MAGEA12: variants seen among roughly 807,000 people sequenced by gnomAD.
MAGEA12 encodes MAGE family member A12, also known as melanoma-associated antigen 12.
For synonymous variants in MAGEA12, 135 were observed against 104.7 expected (o/e 1.29, Z -1.77); for missense variants, 235 against 240.1 (o/e 0.98, Z 0.14).
chrX:152,736,318 G>A lies in MAGEA12; in HGVS notation c.157G>A (p.Val53Met), dbSNP rs1344803974. ...TCTAGTGGAAGTCACCCTGCGGGAG[G>A]TGCCTGCTGCCGAGTCACCAAGTCC... ...STLVEVTLRE[V>M]PAAESPSPPH... is the part of the protein sequence containing the mutation. Residue 53 changes from valine (V) to methionine (M), a missense_variant, in exon 3 of 3, where the codon GTG (valine) becomes ATG (methionine). Physicochemically the swap from Val to Met is conservative, Grantham distance 21. Transcript: ENST00000393869. The A allele has an allele frequency of 9.1e-6, 11 of 1,209,219 alleles. No individual in the cohort carries two copies. Among genetic ancestry groups the A allele is most frequent in the African/African-American group, 1.8e-5 (1 of 56,839 alleles).
Position 152,736,666 on chromosome X carries a change from G to A in MAGEA12, c.505G>A (p.Val169Met), listed in dbSNP as rs1932332157. Residue 169 changes from valine (V) to methionine (M), a missense_variant, in exon 3 of 3, where the codon GTG becomes ATG. Physicochemically the swap from Val to Met is conservative, Grantham distance 21. Transcript: ENST00000393869. Reference protein sequence around the residue: ...QLVFGIEVVEVVRIGHLYILV... With the variant: ...QLVFGIEVVEMVRIGHLYILV... ...GGTCTTTGGCATCGAGGTGGTGGAA[G>A]TGGTCCGCATCGGCCACTTGTACAT... is the stretch of plus-strand genomic sequence containing the variant. 1 of 1,212,142 alleles carries A rather than the reference G, an allele frequency of 8.2e-7. No individual in the cohort carries two copies. Among genetic ancestry groups the A allele is most frequent in the Non-Finnish European group, 1.1e-6 (1 of 895,649 alleles).
At chrX:152,735,338 A>C (rs1407351593) in intron 2 of MAGEA12, 85 bp downstream of exon 2, 1 of 117,650 alleles carries the variant, frequency 8.5e-6, no homozygotes, top group Admixed American at 9.3e-5. Context: ...TGCCCCTGCT[A>C]TTCCCTCAGA....
In MAGEA12 at chrX:152,736,159, A is replaced by G. The variant is rs1556226160; in HGVS notation, c.-3A>G. 1 of 1,210,910 alleles carries G rather than the reference A, an allele frequency of 8.3e-7. No homozygotes were observed. Among genetic ancestry groups the G allele is most frequent in the South Asian group, 1.8e-5 (1 of 56,812 alleles). On this transcript the variant is annotated 5_prime_UTR_variant, in exon 3 of 3. Transcript: ENST00000393869. The stretch of plus-strand genomic sequence containing the variant: ...CCTACCTGCTGCCCTGACCAGAGTC[A>G]TCATGCCACTTGAGCAGAGGAGTCA...
Position 152,736,419 on chromosome X carries a change from C to G in MAGEA12, c.258C>G (p.Gly86=). 8 of 1,211,785 alleles carry G rather than the reference C, an allele frequency of 6.6e-6. No individual in the cohort carries two copies. Among genetic ancestry groups the G allele is most frequent in the Non-Finnish European group, 8.9e-6 (8 of 895,470 alleles). The change falls in exon 3 of 3, where the codon GGC becomes GGG. Residue 86 remains glycine, a synonymous_variant. Coordinates refer to ENST00000393869, the MANE Select transcript of MAGEA12 (RefSeq NM_001166387.4). The part of the protein sequence containing the change: ...NYTLWSQSDE[G]SSNEEQEGPS... Reference sequence around the variant, plus strand: ...CTCTCTGGAGTCAATCCGATGAGGGCTCCAGCAACGAAGAACAGGAAGGGC... The same window carrying G: ...CTCTCTGGAGTCAATCCGATGAGGGGTCCAGCAACGAAGAACAGGAAGGGC...
rs1338640115 is a variant in MAGEA12 at position 152,736,330 on chromosome X, G to A, written c.169G>A (p.Glu57Lys). ...CACCCTGCGGGAGGTGCCTGCTGCC[G>A]AGTCACCAAGTCCTCCCCACAGTCC... is the stretch of plus-strand genomic sequence containing the variant. ...EVTLREVPAA[E>K]SPSPPHSPQG... Residue 57 changes from glutamate to lysine, a missense_variant, in exon 3 of 3, where the codon GAG (glutamate) becomes AAG (lysine). Transcript: ENST00000393869. 5 of 1,211,107 alleles carry A rather than the reference G, an allele frequency of 4.1e-6. No homozygotes were observed. Among genetic ancestry groups the A allele is most frequent in the South Asian group, 1.8e-5 (1 of 56,926 alleles).
chrX:152,735,444 GGTCA>G (rs1324941762), intron 2 of MAGEA12, among the ~76,000 whole-genome samples, 191 bp downstream of exon 2: 2 of 111,970 alleles, frequency 1.8e-5, no homozygotes, highest in East Asian at 5.7e-4. Flanking sequence ...GCTGCACTCA[GGTCA>G]GTAGAGGGAG....
At position 152,737,137 on chromosome X, in the gene MAGEA12, G is replaced by A; in HGVS notation, c.*31G>A. The A allele has an allele frequency of 8.4e-7, 1 of 1,186,493 alleles. No individual in the cohort carries two copies. Among genetic ancestry groups the A allele is most frequent in the African/African-American group, 1.7e-5 (1 of 57,456 alleles). On this transcript the variant is annotated 3_prime_UTR_variant, in exon 3 of 3. Coordinates refer to ENST00000393869, the MANE Select transcript of MAGEA12 (RefSeq NM_001166387.4). Reference sequence around the variant, plus strand: ...AGCACGAGTTGCAGCCAGGGCCAGTGGGAGGGGGTCTGGGCCAGTGCACCT... The same window carrying A: ...AGCACGAGTTGCAGCCAGGGCCAGTAGGAGGGGGTCTGGGCCAGTGCACCT...
chrX:152,734,785 G>C (rs1174978315), intron 1 of MAGEA12, among the ~76,000 whole-genome samples: 4 of 112,434 alleles, frequency 3.6e-5, no homozygotes, highest in Non-Finnish European at 7.5e-5. Context: ...CGGACCCAAG[G>C]TGTGCCCCCT....
At position 152,736,772 on chromosome X, in the gene MAGEA12, T is replaced by C. The variant is rs1556225744; in HGVS notation, c.611T>C (p.Ile204Thr). 1 of 1,211,597 alleles carries C rather than the reference T, an allele frequency of 8.3e-7. No homozygotes were observed. The highest frequency in any genetic ancestry group is 2.2e-5 in the Admixed American group (1 of 46,021). The change falls in exon 3 of 3, where the codon ATC (isoleucine) becomes ACC (threonine). Residue 204 changes from isoleucine to threonine, a missense_variant. Coordinates refer to ENST00000393869, the MANE Select transcript of MAGEA12 (RefSeq NM_001166387.4). ...GTGCCCAAGACAGGCCTCCTGATAATCGTCCTGGCCATAATCGCAAAAGAG... is the reference window on the plus strand; with the variant it reads ...GTGCCCAAGACAGGCCTCCTGATAACCGTCCTGGCCATAATCGCAAAAGAG... ...QIVPKTGLLIIVLAIIAKEGD... is the reference protein window; with the variant it reads ...QIVPKTGLLITVLAIIAKEGD...
intron 2 of MAGEA12, among the ~76,000 whole-genome samples, chrX:152,735,593 C>T (rs1212906482): frequency 1.8e-5 from 2 of 111,926 alleles, no homozygotes; most frequent in Admixed American, 1.9e-4. Flanking sequence ...AGATGTTGGT[C>T]CCCTCATGTC....
At chrX:152,735,351 GC>G (rs1932289436) in intron 2 of MAGEA12, 98 bp downstream of exon 2, 1 of 116,271 alleles carries the variant, frequency 8.6e-6, no homozygotes, top group Non-Finnish European at 1.9e-5. Context: ...CCCTCAGAGA[GC>G]CTGGGCAAGG....
Position 152,737,239 on chromosome X carries a change from A to T in MAGEA12, c.*133A>T, listed in dbSNP as rs1932349205. Reference sequence around the variant, plus strand: ...TCTTCACTCTTTGAAGAGAGCAGTCAGTATTGTTAGTAGTGAGTTTCTGTT... The same window carrying T: ...TCTTCACTCTTTGAAGAGAGCAGTCTGTATTGTTAGTAGTGAGTTTCTGTT... On this transcript the variant is annotated 3_prime_UTR_variant, in exon 3 of 3. Transcript: ENST00000393869. 1.5e-6 allele frequency: 1 copy of T among 652,080 alleles called. No individual in the cohort carries two copies. Among genetic ancestry groups the T allele is most frequent in the African/African-American group, 2.2e-5 (1 of 46,181 alleles). The allele number at this position is 652,080 out of a possible 1,213,427, so 53.7% of individuals were successfully genotyped here. A position where few individuals can be genotyped will look rare whatever the true frequency, so the allele number is the denominator to read the frequency against.
chrX:152,736,545 G>A lies in MAGEA12; in HGVS notation c.384G>A (p.Glu128=), dbSNP rs782272255. 4.5e-5 allele frequency: 54 copies of A among 1,210,277 alleles called. No homozygotes were observed. Among genetic ancestry groups the A allele is most frequent in the Non-Finnish European group, 5.8e-5 (52 of 895,331 alleles). The change falls in exon 3 of 3, where the codon GAG becomes GAA. Residue 128 remains glutamate, a synonymous_variant. Transcript: ENST00000393869. ...TGCTCCTCAAGTATCGAGCCAGGGA[G>A]CCATTCACAAAGGCAGAAATGCTGG... The part of the protein sequence containing the change: ...HFLLLKYRAR[E]PFTKAEMLGS...
chrX:152,736,728 G>T lies in MAGEA12; in HGVS notation c.567G>T (p.Leu189=). ...GCCTGGGCCTCTCCTACGATGGCCTGCTGGGCGACAATCAGATCGTGCCCA... is the reference window on the plus strand; with the variant it reads ...GCCTGGGCCTCTCCTACGATGGCCTTCTGGGCGACAATCAGATCGTGCCCA... ...VTCLGLSYDG[L]LGDNQIVPKT... The change falls in exon 3 of 3, where the codon CTG becomes CTT. Residue 189 remains leucine (L), a synonymous_variant. Coordinates refer to ENST00000393869, the MANE Select transcript of MAGEA12 (RefSeq NM_001166387.4). 2 of 1,212,053 alleles carry T rather than the reference G, an allele frequency of 1.7e-6. No homozygotes were observed. The highest frequency in any genetic ancestry group is 2.2e-6 in the Non-Finnish European group (2 of 895,623).
In MAGEA12 at chrX:152,736,959, T is replaced by C. The variant is rs1433984992; in HGVS notation, c.798T>C (p.Pro266=). 17 of 1,212,193 alleles carry C rather than the reference T, an allele frequency of 1.4e-5. No individual in the cohort carries two copies. The highest frequency in any genetic ancestry group is 1.9e-5 in the Non-Finnish European group (17 of 895,604). The stretch of plus-strand genomic sequence containing the variant: ...ACCGGCAGGTCCCCGGCAGTGATCC[T>C]GCATGCTACGAGTTCCTGTGGGGTC... ...LEYRQVPGSD[P]ACYEFLWGPR... is the part of the protein sequence containing the mutation. The change falls in exon 3 of 3, where the codon CCT becomes CCC. Residue 266 remains proline (P), a synonymous_variant. Coordinates refer to ENST00000393869, the MANE Select transcript of MAGEA12 (RefSeq NM_001166387.4).
Position 152,736,241 on chromosome X carries a change from G to T in MAGEA12, c.80G>T (p.Gly27Val), listed in dbSNP as rs782634639. The change falls in exon 3 of 3, where the codon GGT becomes GTT. Residue 27 changes from glycine (G) to valine (V), a missense_variant. Physicochemically the swap from Gly to Val is moderately radical, Grantham distance 109. Transcript: ENST00000393869. ...CAAGGAGAGGCCCTGGGCTTGGTGG[G>T]TGCGCAGGCTCCTGCTACTGAGGAG... ...EAQGEALGLV[G>V]AQAPATEEQE... 1 of 1,209,770 alleles carries T rather than the reference G, an allele frequency of 8.3e-7. No homozygotes were observed. Among genetic ancestry groups the T allele is most frequent in the African/African-American group, 1.8e-5 (1 of 56,993 alleles).
rs1556225542 is a variant in MAGEA12, at chrX:152,737,034, A to G, written c.873A>G (p.Leu291=). ...TSYVKVLHHL[L]KISGGPHISY... is the part of the protein sequence containing the mutation. Reference sequence around the variant, plus strand: ...ATGTGAAAGTCCTGCACCATTTGCTAAAGATCAGTGGAGGACCTCACATTT... The same window carrying G: ...ATGTGAAAGTCCTGCACCATTTGCTGAAGATCAGTGGAGGACCTCACATTT... Residue 291 remains leucine, a synonymous_variant, in exon 3 of 3, where the codon CTA becomes CTG. Transcript: ENST00000393869. 3.3e-6 allele frequency: 4 copies of G among 1,210,107 alleles called. No homozygotes were observed. The South Asian group carries it at 5.3e-5, about 16-fold the overall frequency.
Position 152,737,314 on chromosome X carries a change from A to G in MAGEA12, c.*208A>G. 1.9e-6 allele frequency: 1 copy of G among 536,722 alleles called. No individual in the cohort carries two copies. Among genetic ancestry groups the G allele is most frequent in the East Asian group, 3.6e-5 (1 of 27,754 alleles). The allele number at this position is 536,722 out of a possible 1,213,427, so 44.2% of individuals were successfully genotyped here. On this transcript the variant is annotated 3_prime_UTR_variant, in exon 3 of 3. Transcript: ENST00000393869. ...CTTTGTTTCCTGTTGGAATTGTTCA[A>G]ATGTTCCTTTTAACGGATGGTTGAA... is the stretch of plus-strand genomic sequence containing the variant.
rs782549225 is a variant in MAGEA12, at chrX:152,736,245, G to T, written c.84G>T (p.Ala28=). ...AQGEALGLVG[A]QAPATEEQET... ...GAGAGGCCCTGGGCTTGGTGGGTGC[G>T]CAGGCTCCTGCTACTGAGGAGCAGG... The change falls in exon 3 of 3, where the codon GCG becomes GCT. Residue 28 remains alanine, a synonymous_variant. Transcript: ENST00000393869. The T allele has an allele frequency of 8.3e-7, 1 of 1,211,407 alleles. No homozygotes were observed. Among genetic ancestry groups the T allele is most frequent in the Admixed American group, 2.2e-5 (1 of 46,053 alleles).
Sources: gnomAD v4.1 joint callset for allele counts (sites outside exome capture counted in the v4.1 genomes callset) on GRCh38, gnomAD v4.1.1 for gene constraint, MANE v1.5 for transcripts, NCBI Gene and HGNC (gene_info 2026-07-23, HGNC 2026-07-21) for gene names.